SETBP1: variants seen among roughly 807,000 people sequenced by gnomAD.
SETBP1 encodes SET-binding protein.
Under a neutral mutation model 101.0 loss-of-function variants are expected in SETBP1, and 9 were observed. The ratio of observed to expected loss-of-function variants is 0.09; its 90% CI spans 0.05 to 0.16. The LOEUF is 0.16. Ranked by LOEUF, SETBP1 falls within the 10% of genes least tolerant of loss-of-function variation. SETBP1 has a pLI of 1.00. For synonymous variants in SETBP1, 818 were observed against 788.5 expected (o/e 1.04, Z -0.63); for missense variants, 1,858 against 2,033.8 (o/e 0.91, Z 1.66).
chr18:45,017,100 G>A (rs867763965), intron 4 of SETBP1, among the ~76,000 whole-genome samples: 1 of 152,060 alleles, frequency 6.6e-6, no homozygotes, highest in Non-Finnish European at 1.5e-5. Flanking sequence ...AAAAACAGCT[G>A]GCTATGGAGG....
At position 44,858,860 on chromosome 18, in the gene SETBP1, C is replaced by T. The variant is rs528420675; in HGVS notation, c.487-10370C>T. 3.9e-4 allele frequency among the ~76,000 whole-genome samples: 60 copies of T among 152,308 alleles called. No homozygotes were observed. In the South Asian group the frequency reaches 7.0e-3, roughly 18 times the overall value. On this transcript the variant is annotated intron_variant, in intron 2 of 5. Transcript: ENST00000649279. ...CTCTGTATTATTAAAAGTTATAATACACTTTAATATTATTAAAAGTAATAA... is the reference window on the plus strand; with the variant it reads ...CTCTGTATTATTAAAAGTTATAATATACTTTAATATTATTAAAAGTAATAA...
rs545826374 is a variant in SETBP1 at position 44,734,633 on chromosome 18, C to T, written c.486+32801C>T. Among the ~76,000 whole-genome samples, 4 of 152,248 alleles carry T rather than the reference C, an allele frequency of 2.6e-5. No individual in the cohort carries two copies. The East Asian group carries it at 7.7e-4, about 29-fold the overall frequency. ...TTAAATGTCTCCTCTCTCTCCCTAT[C>T]TAGTCAATACTTACCTCTCCTTGAA... On this transcript the variant is annotated intron_variant, in intron 2 of 5. Transcript: ENST00000649279.
At chr18:44,779,738 C>T (rs115861996) in intron 2 of SETBP1, among the ~76,000 whole-genome samples, 182 of 152,206 alleles carry the variant, frequency 1.2e-3, no homozygotes, top group African/African-American at 4.2e-3. Flanking sequence ...CTGATCCACC[C>T]TCTGTAAGGG....
chr18:44,818,208 T>G (rs74836770), intron 2 of SETBP1, among the ~76,000 whole-genome samples: 1 of 152,000 alleles, frequency 6.6e-6, no homozygotes. Flanking sequence ...TTGAGAAGCA[T>G]TTTTTTTAAT....
chr18:45,024,175 T>A (rs1317341397), intron 4 of SETBP1, among the ~76,000 whole-genome samples: 1 of 152,174 alleles, frequency 6.6e-6, no homozygotes, highest in African/African-American at 2.4e-5. Context: ...CACAGGCTGT[T>A]TCTTGTGTCT....
At chr18:44,790,645 T>C (rs2071349953) in intron 2 of SETBP1, among the ~76,000 whole-genome samples, 1 of 152,216 alleles carries the variant, frequency 6.6e-6, no homozygotes, top group African/African-American at 2.4e-5. Flanking sequence ...CAGTATTGGC[T>C]GCATGACAGA....
At chr18:44,961,453 A>T (rs2071609799) in intron 4 of SETBP1, among the ~76,000 whole-genome samples, 2 of 152,136 alleles carry the variant, frequency 1.3e-5, no homozygotes, top group Non-Finnish European at 1.5e-5. Context: ...TGATGAGAGA[A>T]TGGGGGCTGC....
intron 2 of SETBP1, among the ~76,000 whole-genome samples, chr18:44,773,737 G>A (rs2070925570): frequency 6.6e-6 from 1 of 152,006 alleles, no homozygotes; most frequent in Non-Finnish European, 1.5e-5. Flanking sequence ...GCTAGCCGAA[G>A]AGAATGTGAT....
intron 2 of SETBP1, among the ~76,000 whole-genome samples, chr18:44,772,274 A>C (rs1316240248): frequency 1.3e-5 from 2 of 152,184 alleles, no homozygotes; most frequent in Non-Finnish European, 2.9e-5. Context: ...ATTGTCTGGC[A>C]GCAGTGCGAG....
intron 4 of SETBP1, among the ~76,000 whole-genome samples, chr18:44,959,578 T>G (rs1365693434): frequency 6.6e-6 from 1 of 152,100 alleles, no homozygotes; most frequent in Non-Finnish European, 1.5e-5. Context: ...CTCTATAATT[T>G]AGGGGAAGAA....
intron 2 of SETBP1, among the ~76,000 whole-genome samples, chr18:44,783,871 A>G (rs2069896442): frequency 6.6e-6 from 1 of 152,244 alleles, no homozygotes; most frequent in African/African-American, 2.4e-5. Context: ...AATGGCACTA[A>G]TTCTTTATAT....
intron 2 of SETBP1, among the ~76,000 whole-genome samples, chr18:44,863,832 G>A (rs909821248): frequency 1.3e-5 from 2 of 152,158 alleles, no homozygotes; most frequent in African/African-American, 2.4e-5. Flanking sequence ...TGGCCCATAA[G>A]AAAGGAGATA....
At chr18:44,810,585 G>C (rs183808576) in intron 2 of SETBP1, among the ~76,000 whole-genome samples, 1 of 152,320 alleles carries the variant, frequency 6.6e-6, no homozygotes, top group East Asian at 1.9e-4. Flanking sequence ...TGCCACAGCT[G>C]AGTGAATAAT....
At chr18:44,925,733 A>G (rs1256569830) in intron 3 of SETBP1, among the ~76,000 whole-genome samples, 1 of 152,238 alleles carries the variant, frequency 6.6e-6, no homozygotes, top group Non-Finnish European at 1.5e-5. Flanking sequence ...TCTCTCAACC[A>G]AGCAATAACA....
intron 3 of SETBP1, among the ~76,000 whole-genome samples, chr18:44,926,654 G>A (rs2070711345): frequency 6.6e-6 from 1 of 152,132 alleles, no homozygotes; most frequent in Non-Finnish European, 1.5e-5. Flanking sequence ...GTGATTAGAA[G>A]GGCAGGTGTC....
At chr18:45,053,434 T>G (rs560198623) in intron 5 of SETBP1, among the ~76,000 whole-genome samples, 2 of 152,210 alleles carry the variant, frequency 1.3e-5, no homozygotes, top group Non-Finnish European at 2.9e-5. Flanking sequence ...TAGAATTATG[T>G]TTATTGAGAA....
At chr18:44,837,838 G>A (rs1304581003) in intron 2 of SETBP1, among the ~76,000 whole-genome samples, 1 of 152,220 alleles carries the variant, frequency 6.6e-6, no homozygotes, top group Non-Finnish European at 1.5e-5. Flanking sequence ...AGGATGTTTT[G>A]ATTATCTGTC....
chr18:44,979,390 A>G (rs1364600708), intron 4 of SETBP1, among the ~76,000 whole-genome samples: 2 of 152,230 alleles, frequency 1.3e-5, no homozygotes, highest in African/African-American at 2.4e-5. Flanking sequence ...TCAGTGTACT[A>G]CTGGCTGTAT....
chr18:44,684,010 A>T (rs1210573816), intron 1 of SETBP1, among the ~76,000 whole-genome samples: 1 of 152,152 alleles, frequency 6.6e-6, no homozygotes, highest in African/African-American at 2.4e-5. Flanking sequence ...GTCCTACCAG[A>T]GGCTGGTGGT....
Sources: gnomAD v4.1 joint callset for allele counts (sites outside exome capture counted in the v4.1 genomes callset) on GRCh38, gnomAD v4.1.1 for gene constraint, MANE v1.5 for transcripts, NCBI Gene and HGNC (gene_info 2026-07-23, HGNC 2026-07-21) for gene names.